PSD3: variants seen among roughly 807,000 people sequenced by gnomAD.
The protein encoded by PSD3 is PH and SEC7 domain-containing protein 3.
In PSD3, 49 loss-of-function variants were observed where a neutral mutation model predicts 105.5. The observed-to-expected ratio is 0.46, with a 90% confidence interval of 0.37 to 0.59. The LOEUF (loss-of-function observed/expected upper bound fraction) is 0.59, where lower values mean the gene tolerates loss of function less well. PSD3 is among the 20% of genes least tolerant of loss of function. PSD3 has a pLI of 0.00. For synonymous variants in PSD3, 557 were observed against 457.8 expected (o/e 1.22, Z -2.77); for missense variants, 1,561 against 1,263.8 (o/e 1.24, Z -3.57).
intron 15 of PSD3, 131 bp from the exon 16 acceptor site, chr8:18,536,089 C>G: frequency 7.1e-6 from 6 of 843,204 alleles, no homozygotes; most frequent in Non-Finnish European, 1.1e-5. Flanking sequence ...CCCAAACTGA[C>G]AAATTACTTG....
intron 4 of PSD3, chr8:18,854,484 C>T (rs950734236): frequency 1.3e-5 from 2 of 152,204 alleles, no homozygotes; most frequent in African/African-American, 4.8e-5. Flanking sequence ...TCAGAAAAGG[C>T]AACTGTCTAA....
In PSD3 at chr8:18,591,942, G is replaced by A. The variant is rs539404865; in HGVS notation, c.2481+8422C>T. On this transcript the variant is annotated intron_variant, in intron 12 of 15. Transcript: ENST00000327040. The stretch of plus-strand genomic sequence containing the variant: ...CTGTTGCAAAGATGACTGGTGAGGG[G>A]CTTCTGCTGTAGCAAGCCAGTCTCT... Among the ~76,000 whole-genome samples the A allele has an allele frequency of 3.3e-5, 5 of 152,230 alleles. No individual in the cohort carries two copies. The South Asian group carries it at 8.3e-4, about 25-fold the overall frequency.
chr8:18,850,983 T>C (rs1449499748), intron 4 of PSD3, among the ~76,000 whole-genome samples: 1 of 151,950 alleles, frequency 6.6e-6, no homozygotes, highest in Non-Finnish European at 1.5e-5. Context: ...GGACAAAAGA[T>C]CTCCACAAAA....
chr8:19,025,672 T>A (rs1827523775), intron 1 of PSD3, among the ~76,000 whole-genome samples: 2 of 152,218 alleles, frequency 1.3e-5, no homozygotes, highest in Admixed American at 1.3e-4. Flanking sequence ...CCAGACTTAC[T>A]GTTGGCATCT....
intron 9 of PSD3, among the ~76,000 whole-genome samples, chr8:18,688,768 G>C (rs1004930446): frequency 5.3e-5 from 8 of 152,252 alleles, no homozygotes; most frequent in Admixed American, 2.0e-4. Flanking sequence ...GGATGACCCT[G>C]TCCTGCCCCA....
chr8:18,913,978 T>C (rs906833399), intron 2 of PSD3, among the ~76,000 whole-genome samples: 3 of 151,984 alleles, frequency 2.0e-5, no homozygotes, highest in South Asian at 4.2e-4. Flanking sequence ...TAGGCCCAAC[T>C]CAACAGACAC....
At chr8:19,037,450 C>T (rs62495941) in intron 1 of PSD3, among the ~76,000 whole-genome samples, 37,574 of 152,056 alleles carry the variant, frequency 0.25, 5,695 homozygotes, top group Middle Eastern at 0.39. Flanking sequence ...TTGTGATGGC[C>T]GATTTCATGT....
chr8:18,968,467 A>C (rs191033994), intron 1 of PSD3, among the ~76,000 whole-genome samples: 2 of 152,326 alleles, frequency 1.3e-5, no homozygotes, highest in African/African-American at 4.8e-5. Flanking sequence ...TTCTGAAAGA[A>C]CCTTCGACGC....
intron 2 of PSD3, among the ~76,000 whole-genome samples, chr8:18,874,810 G>A (rs1817626736): frequency 6.6e-6 from 1 of 151,538 alleles, no homozygotes; most frequent in Non-Finnish European, 1.5e-5. Flanking sequence ...AATAATAGGT[G>A]TATTGCTATT....
intron 8 of PSD3, among the ~76,000 whole-genome samples, chr8:18,783,683 G>T (rs552797965): frequency 6.6e-6 from 1 of 152,248 alleles, no homozygotes; most frequent in Non-Finnish European, 1.5e-5. Flanking sequence ...GCCCAGGCTG[G>T]AGTGCAGTGG....
chr8:18,809,900 T>C (rs1811549967), intron 4 of PSD3, among the ~76,000 whole-genome samples: 1 of 152,124 alleles, frequency 6.6e-6, no homozygotes, highest in Non-Finnish European at 1.5e-5. Flanking sequence ...TCCTCTGTGT[T>C]TTCATCCTTC....
chr8:19,006,474 C>T (rs1768431566), intron 1 of PSD3, among the ~76,000 whole-genome samples: 2 of 152,036 alleles, frequency 1.3e-5, no homozygotes, highest in African/African-American at 4.8e-5. Flanking sequence ...GGTTCCACCA[C>T]AAATTACAAA....
intron 4 of PSD3, among the ~76,000 whole-genome samples, chr8:18,835,664 A>G (rs1480204233): frequency 4.6e-5 from 7 of 152,246 alleles, no homozygotes; most frequent in Non-Finnish European, 7.3e-5. Context: ...CAGGCAGGTA[A>G]GTGCCCAACA....
At chr8:18,949,244 A>AAAAAAAAAAAAAATATATATAT (rs1345423514) in intron 1 of PSD3, among the ~76,000 whole-genome samples, 1 of 14,404 alleles carries the variant, frequency 6.9e-5, no homozygotes, top group Non-Finnish European at 1.8e-4. Context: ...AAAAAAAAAA[A>AAAAAAAAAAAAAATATATATAT]ATATATATAT....
chr8:18,871,233 A>G (rs1053782046), intron 3 of PSD3, among the ~76,000 whole-genome samples: 3 of 152,214 alleles, frequency 2.0e-5, no homozygotes, highest in African/African-American at 7.2e-5. Context: ...AGTACCAGCT[A>G]TATAGGGTGT....
chr8:18,742,074 G>A (rs1804621784), intron 9 of PSD3, among the ~76,000 whole-genome samples: 1 of 152,036 alleles, frequency 6.6e-6, no homozygotes, highest in South Asian at 2.1e-4. Context: ...GGAAAGCTTT[G>A]GTGATTCAAA....
chr8:18,796,085 G>A (rs1008248062), intron 8 of PSD3, among the ~76,000 whole-genome samples: 1 of 152,048 alleles, frequency 6.6e-6, no homozygotes, highest in African/African-American at 2.4e-5. Flanking sequence ...TAAACTACTT[G>A]CAGACAAGTA....
At chr8:18,571,329 C>T (rs1053683255) in intron 14 of PSD3, among the ~76,000 whole-genome samples, 7 of 151,310 alleles carry the variant, frequency 4.6e-5, no homozygotes, top group Non-Finnish European at 1.0e-4. Flanking sequence ...TGTGTGGTTC[C>T]TGCATCCAGC....
intron 4 of PSD3, among the ~76,000 whole-genome samples, chr8:18,828,215 T>C (rs1221299750): frequency 6.6e-6 from 1 of 151,650 alleles, no homozygotes; most frequent in Admixed American, 6.6e-5. Context: ...AAAGGAAACA[T>C]ATCATCCTCA....
Sources: allele counts gnomAD v4.1 joint callset (sites outside exome capture counted in the v4.1 genomes callset), GRCh38; gene constraint gnomAD v4.1.1; transcripts MANE v1.5; gene names NCBI Gene and HGNC (gene_info 2026-07-23, HGNC 2026-07-21).